Variants in NCOR2 observed in about 807,000 individuals in gnomAD.
The protein encoded by NCOR2 is CTG repeat protein 26.
Under a neutral mutation model 262.9 loss-of-function variants are expected in NCOR2, and 81 were observed. The observed-to-expected ratio is 0.31, with a 90% CI of 0.26 to 0.37. The LOEUF (loss-of-function observed/expected upper bound fraction) is 0.37. NCOR2 is among the 10% of genes least tolerant of loss of function. The pLI is 1.00. For synonymous variants in NCOR2, 1,659 were observed against 1,559.3 expected (o/e 1.06, Z -1.51); for missense variants, 3,385 against 3,621.4 (o/e 0.93, Z 1.68).
intron 4 of NCOR2, among the ~76,000 whole-genome samples, chr12:124,468,397 T>C (rs1184070045): frequency 3.0e-5 from 1 of 33,102 alleles, no homozygotes; most frequent in Non-Finnish European, 5.4e-5. Flanking sequence ...CTCATCACCC[T>C]CATCATCCTC....
At chr12:124,527,416 TTTTA>T (rs918669703) in intron 1 of NCOR2, among the ~76,000 whole-genome samples, 2 of 152,226 alleles carry the variant, frequency 1.3e-5, no homozygotes, top group South Asian at 2.1e-4. Context: ...TGAAATAATT[TTTTA>T]TTTATTTTTT....
At chr12:124,405,759 G>C (rs1298376570) in intron 13 of NCOR2, among the ~76,000 whole-genome samples, 1 of 152,162 alleles carries the variant, frequency 6.6e-6, no homozygotes, top group Non-Finnish European at 1.5e-5. Flanking sequence ...AGGAGCTGGG[G>C]GGACCCGGCA....
chr12:124,329,386 G>A (rs552315994), intron 44 of NCOR2, among the ~76,000 whole-genome samples: 6 of 152,078 alleles, frequency 3.9e-5, no homozygotes, highest in South Asian at 2.1e-4. Context: ...GCTGAAACCC[G>A]GGAGGCAGAG....
At chr12:124,486,597 C>A in intron 1 of NCOR2, 29 bp from the exon 4 acceptor site, 1 of 1,544,716 alleles carries the variant, frequency 6.5e-7, no homozygotes. Flanking sequence ...GAGTGGTGAG[C>A]GTGGGCGGGC....
rs977480391 is a variant in NCOR2, at chr12:124,389,530, G to A, written c.1877-3643C>T. Among the ~76,000 whole-genome samples the A allele has an allele frequency of 2.6e-5, 4 of 152,192 alleles. No homozygotes were observed. Among genetic ancestry groups the A allele is most frequent in the Non-Finnish European group, 4.4e-5 (3 of 68,042 alleles). Reference sequence around the variant, plus strand: ...CTTCTCCACCCCCGGCAGACAGGGAGCAAACAGCTTCTTCCGCCATCATCC... The same window carrying A: ...CTTCTCCACCCCCGGCAGACAGGGAACAAACAGCTTCTTCCGCCATCATCC... On this transcript the variant is annotated intron_variant, in intron 16 of 46. Transcript: ENST00000405201. This position sits in a 1 kb window ranked among gnomAD's most constrained non-coding sequence, Gnocchi z 4.4.
chr12:124,407,865 G>A (rs1023250202), intron 13 of NCOR2, among the ~76,000 whole-genome samples: 4 of 152,186 alleles, frequency 2.6e-5, no homozygotes, highest in Non-Finnish European at 5.9e-5. Context: ...TAGGGATGGG[G>A]ATTCCAGGAG....
intron 1 of NCOR2, among the ~76,000 whole-genome samples, chr12:124,557,497 C>A (rs1011712561): frequency 6.6e-6 from 1 of 152,136 alleles, no homozygotes; most frequent in Non-Finnish European, 1.5e-5. Flanking sequence ...AGGACACGGG[C>A]CACTGGATTT....
At chr12:124,334,960 G>T (rs934658267) in intron 40 of NCOR2, 175 bp downstream of exon 42, 201 of 923,190 alleles carry the variant, frequency 2.2e-4, no homozygotes, top group Non-Finnish European at 3.1e-4. Context: ...TGGTGCCGGT[G>T]CTCGGGGCTT....
chr12:124,449,708 C>T, intron 7 of NCOR2, 107 bp downstream of exon 9: 5 of 1,368,204 alleles, frequency 3.7e-6, no homozygotes, highest in Non-Finnish European at 5.1e-6. Flanking sequence ...GGCCGGGAGC[C>T]CCTGATGGGA....
At chr12:124,515,683 G>A (rs557654418) in intron 1 of NCOR2, among the ~76,000 whole-genome samples, 62 of 152,086 alleles carry the variant, frequency 4.1e-4, no homozygotes, top group African/African-American at 1.4e-3. Context: ...GTGAGTGTGC[G>A]AGTATGCGTG....
intron 44 of NCOR2, among the ~76,000 whole-genome samples, chr12:124,330,561 G>C (rs754655473): frequency 6.6e-6 from 1 of 152,238 alleles, no homozygotes; most frequent in Non-Finnish European, 1.5e-5. Context: ...GAAGAAGCAA[G>C]GTGAGTTTCC....
chr12:124,335,854 G>T (rs1454354680), intron 38 of NCOR2: 1 of 554,562 alleles, frequency 1.8e-6, no homozygotes, highest in Non-Finnish European at 3.2e-6. Context: ...CCGGGACAGA[G>T]ACAGACAGAG....
In NCOR2 at chr12:124,335,646, G is replaced by A. The variant is rs557062997; in HGVS notation, c.6116-14C>T. 90 of 1,589,898 alleles carry A rather than the reference G, an allele frequency of 5.7e-5. 1 individual carries two copies. Among genetic ancestry groups the A allele is most frequent in the Non-Finnish European group, 7.1e-5 (83 of 1,171,672 alleles). ...TGCCGTGGTAACCTAGGGCAGGCGG[G>A]GGGTGCAGAGTCAGGCACCGGGCCC... is the stretch of plus-strand genomic sequence containing the variant. On this transcript the variant is annotated splice_polypyrimidine_tract_variant and intron_variant, in intron 38 of 46. Coordinates refer to ENST00000405201, the Ensembl canonical transcript of NCOR2.
chr12:124,332,481 A>T lies in NCOR2; in HGVS notation c.6756-14T>A, dbSNP rs1241391327. On this transcript the variant is annotated splice_polypyrimidine_tract_variant and intron_variant, in intron 42 of 46. Transcript: ENST00000405201. ...GAGCCCATCCTGCTGTGAGGATCAA[A>T]CACCTCACATCAGCTCACTTGGTGC... is the stretch of plus-strand genomic sequence containing the variant. The T allele has an allele frequency of 3.7e-6, 6 of 1,613,956 alleles. No homozygotes were observed. Among genetic ancestry groups the T allele is most frequent in the Admixed American group, 1.7e-5 (1 of 59,994 alleles).
At chr12:124,397,112 G>C (rs2041726453) in intron 16 of NCOR2, among the ~76,000 whole-genome samples, 1 of 152,188 alleles carries the variant, frequency 6.6e-6, no homozygotes, top group Admixed American at 6.5e-5. Context: ...ACATGGGCGG[G>C]GACAGGAGCA....
chr12:124,483,536 C>A lies in NCOR2; in HGVS notation c.411+60G>T. The A allele has an allele frequency of 1.4e-6, 2 of 1,467,666 alleles. No homozygotes were observed. Among genetic ancestry groups the A allele is most frequent in the East Asian group, 2.5e-5 (1 of 40,628 alleles). 90.9% of individuals were successfully genotyped at this position (1,467,666 alleles called of 1,614,324 possible). A position where few individuals can be genotyped will look rare whatever the true frequency, so the allele number is the denominator to read the frequency against. ...CCCCTACCCACCACCTCCCACCCAGCCCAACCAGCAGCAGAACCTCAAGCG... is the reference window on the plus strand; with the variant it reads ...CCCCTACCCACCACCTCCCACCCAGACCAACCAGCAGCAGAACCTCAAGCG... On this transcript the variant is annotated intron_variant, in intron 3 of 46. Coordinates refer to ENST00000405201, the Ensembl canonical transcript of NCOR2. The surrounding 1 kb of genome is among the most constrained non-coding windows in gnomAD (Gnocchi z 6.3).
chr12:124,412,581 GCCCA>G (rs912259402), intron 13 of NCOR2, among the ~76,000 whole-genome samples: 2 of 152,208 alleles, frequency 1.3e-5, no homozygotes, highest in African/African-American at 4.8e-5. Flanking sequence ...GGAGGCCGTT[GCCCA>G]CCCCAAACAC....
chr12:124,507,822 A>T (rs2049132640), intron 1 of NCOR2, among the ~76,000 whole-genome samples: 1 of 152,216 alleles, frequency 6.6e-6, no homozygotes, highest in South Asian at 2.1e-4. Flanking sequence ...CCCGAGTGTG[A>T]AGGCGGCCTC....
At chr12:124,405,870 G>A (rs1015992455) in intron 13 of NCOR2, among the ~76,000 whole-genome samples, 2 of 152,166 alleles carry the variant, frequency 1.3e-5, no homozygotes, top group African/African-American at 2.4e-5. Flanking sequence ...TCCATAGAGC[G>A]GCAGAACTGC....
Sources: allele counts gnomAD v4.1 joint callset (sites outside exome capture counted in the v4.1 genomes callset), GRCh38; gene constraint gnomAD v4.1.1; non-coding constraint Gnocchi (gnomAD v3.1); transcripts MANE v1.5; gene names NCBI Gene and HGNC (gene_info 2026-07-23, HGNC 2026-07-21).